LHFPL3: variants seen among roughly 807,000 people sequenced by gnomAD.
LHFPL3 encodes LHFPL tetraspan subfamily member 3.
Under a neutral mutation model 19.3 loss-of-function variants are expected in LHFPL3, and 5 were observed. That is an observed-to-expected ratio of 0.26 (90% CI 0.14 to 0.54). The LOEUF is 0.54. Ranked by LOEUF, LHFPL3 falls within the 20% of genes least tolerant of loss-of-function variation. The probability of loss-of-function intolerance (pLI) is 0.94; values close to 1 mark genes in which losing one functional copy is unlikely to be tolerated. For missense variants in LHFPL3, 249 were observed against 307.4 expected (o/e 0.81, Z 1.42); for synonymous variants, 133 against 126.2 (o/e 1.05, Z -0.36).
intron 1 of LHFPL3, among the ~76,000 whole-genome samples, chr7:104,687,430 A>G (rs1038655963): frequency 6.6e-6 from 1 of 152,228 alleles, no homozygotes; most frequent in Non-Finnish European, 1.5e-5. Context: ...CCATTGATAA[A>G]AAGCTCAATT....
At chr7:104,752,701 G>A (rs1167489030) in intron 2 of LHFPL3, 3 of 390,998 alleles carry the variant, frequency 7.7e-6, no homozygotes, top group Middle Eastern at 1.1e-3. Context: ...CTTCTTCCGA[G>A]CGCACAAGCT....
At chr7:104,329,341 C>A in intron 1 of LHFPL3, 117 bp downstream of exon 1, 1 of 1,339,950 alleles carries the variant, frequency 7.5e-7, no homozygotes, top group Non-Finnish European at 1.0e-6. Context: ...CCGCCTAATC[C>A]GCTCAGGCGT....
intron 1 of LHFPL3, among the ~76,000 whole-genome samples, chr7:104,465,875 A>G (rs1431579044): frequency 6.6e-6 from 1 of 152,298 alleles, no homozygotes; most frequent in East Asian, 1.9e-4. Context: ...TTGTAATTGC[A>G]GGGTTTTGAG....
chr7:104,718,549 A>G (rs1353372059), intron 1 of LHFPL3, among the ~76,000 whole-genome samples: 3 of 152,172 alleles, frequency 2.0e-5, no homozygotes, highest in Non-Finnish European at 1.5e-5. Flanking sequence ...TTCCCTCAGC[A>G]TCGTGGTAAG....
At chr7:104,371,336 C>T (rs1790610756) in intron 1 of LHFPL3, among the ~76,000 whole-genome samples, 1 of 152,166 alleles carries the variant, frequency 6.6e-6, no homozygotes, top group Non-Finnish European at 1.5e-5. Context: ...TGGTTTATCT[C>T]CCCCAGTGTT....
intron 1 of LHFPL3, among the ~76,000 whole-genome samples, chr7:104,559,112 G>A (rs1026397870): frequency 4.1e-5 from 6 of 145,878 alleles, no homozygotes; most frequent in African/African-American, 1.3e-4. Flanking sequence ...GTCAGGTAGT[G>A]TGATGCCTCC....
Position 104,425,499 on chromosome 7 carries a change from AT to A in LHFPL3, c.445+96277del, listed in dbSNP as rs577092281. Among the ~76,000 whole-genome samples, 5 of 152,266 alleles carry A rather than the reference AT, an allele frequency of 3.3e-5. No individual in the cohort carries two copies. In the South Asian group the frequency reaches 1.0e-3, roughly 32 times the overall value. ...AGGTGCTCAATAAATGTTAGATGTT[AT>A]TATTGCTATTATGATGAAGATTAAA... On this transcript the variant is annotated intron_variant, in intron 1 of 2. Coordinates refer to ENST00000424859, the MANE Select transcript of LHFPL3 (RefSeq NM_199000.3).
chr7:104,902,917 C>G (rs1170515037), intron 2 of LHFPL3, among the ~76,000 whole-genome samples: 1 of 152,064 alleles, frequency 6.6e-6, no homozygotes, highest in Non-Finnish European at 1.5e-5. Context: ...AGGGTCAGGC[C>G]CCAGGCTGTG....
At chr7:104,529,076 G>T in intron 1 of LHFPL3, among the ~76,000 whole-genome samples, 1 of 152,168 alleles carries the variant, frequency 6.6e-6, no homozygotes, top group East Asian at 1.9e-4. Flanking sequence ...CATAGGACCA[G>T]TGGGAGAAGA....
chr7:104,337,100 G>A (rs1253486438), intron 1 of LHFPL3, among the ~76,000 whole-genome samples: 1 of 151,928 alleles, frequency 6.6e-6, no homozygotes, highest in Non-Finnish European at 1.5e-5. Context: ...GTTGGTTTCA[G>A]GGCAGATCAA....
intron 2 of LHFPL3, among the ~76,000 whole-genome samples, chr7:104,776,355 C>A (rs1202160739): frequency 6.6e-6 from 1 of 152,248 alleles, no homozygotes; most frequent in African/African-American, 2.4e-5. Context: ...CACCTGCATA[C>A]AGCCTTATTC....
At chr7:104,606,791 G>A (rs1198142194) in intron 1 of LHFPL3, among the ~76,000 whole-genome samples, 1 of 152,108 alleles carries the variant, frequency 6.6e-6, no homozygotes, top group Non-Finnish European at 1.5e-5. Context: ...AATTTGGTGG[G>A]CAGGGGTCTA....
chr7:104,632,953 T>G (rs941987973), intron 1 of LHFPL3, among the ~76,000 whole-genome samples: 1 of 152,208 alleles, frequency 6.6e-6, no homozygotes, highest in African/African-American at 2.4e-5. Flanking sequence ...GATAGGGGGT[T>G]AGATATGGAA....
At chr7:104,474,440 G>A (rs754492256) in intron 1 of LHFPL3, among the ~76,000 whole-genome samples, 21 of 151,864 alleles carry the variant, frequency 1.4e-4, no homozygotes, top group Admixed American at 3.9e-4. Flanking sequence ...CGAGGCAGGC[G>A]CATCACGAGG....
intron 2 of LHFPL3, among the ~76,000 whole-genome samples, chr7:104,900,217 C>T (rs140886854): frequency 1.3e-5 from 2 of 152,202 alleles, no homozygotes; most frequent in African/African-American, 4.8e-5. Flanking sequence ...CAGCAACATT[C>T]TATTTTCAAT....
chr7:104,359,053 T>C (rs1790339064), intron 1 of LHFPL3, among the ~76,000 whole-genome samples: 1 of 152,164 alleles, frequency 6.6e-6, no homozygotes, highest in Non-Finnish European at 1.5e-5. Flanking sequence ...GAAATAGACC[T>C]TCCCCTGGAT....
At chr7:104,783,627 C>T (rs1789854643) in intron 2 of LHFPL3, among the ~76,000 whole-genome samples, 2 of 152,172 alleles carry the variant, frequency 1.3e-5, no homozygotes, top group African/African-American at 4.8e-5. Context: ...AAAGGAGATT[C>T]TGAGGAGGTA....
At chr7:104,461,210 G>A (rs1030703765) in intron 1 of LHFPL3, among the ~76,000 whole-genome samples, 1 of 152,184 alleles carries the variant, frequency 6.6e-6, no homozygotes, top group Non-Finnish European at 1.5e-5. Flanking sequence ...AAAACCATCA[G>A]ATCTCCTGAG....
chr7:104,603,559 C>G (rs143029729), intron 1 of LHFPL3, among the ~76,000 whole-genome samples: 2 of 152,262 alleles, frequency 1.3e-5, no homozygotes, highest in East Asian at 3.9e-4. Context: ...AAAGTCTCAT[C>G]TAAATCAGAT....
Sources: gnomAD v4.1 joint callset for allele counts (sites outside exome capture counted in the v4.1 genomes callset) on GRCh38, gnomAD v4.1.1 for gene constraint, MANE v1.5 for transcripts, NCBI Gene and HGNC (gene_info 2026-07-23, HGNC 2026-07-21) for gene names.